Variants in HNRNPC observed in about 807,000 individuals in gnomAD.
HNRNPC encodes the protein heterogeneous nuclear ribonucleoprotein C.
In HNRNPC, 3 loss-of-function variants were observed where a neutral mutation model predicts 33.2. That is an observed-to-expected ratio of 0.09 (90% CI 0.04 to 0.23). HNRNPC has a LOEUF of 0.23. Ranked by LOEUF, HNRNPC falls within the 10% of genes least tolerant of loss-of-function variation. HNRNPC has a pLI of 1.00. For synonymous variants in HNRNPC, 121 were observed against 126.7 expected (o/e 0.96, Z 0.30); for missense variants, 143 against 366.7 (o/e 0.39, Z 4.98).
At chr14:21,214,678 A>G (rs1433613488) in intron 5 of HNRNPC, among the ~76,000 whole-genome samples, 2 of 152,220 alleles carry the variant, frequency 1.3e-5, no homozygotes, top group African/African-American at 4.8e-5. Flanking sequence ...AAAGATACTG[A>G]GTAACTTTTT....
intron 5 of HNRNPC, among the ~76,000 whole-genome samples, chr14:21,218,794 G>A (rs1489469677): frequency 6.7e-6 from 1 of 149,250 alleles, no homozygotes; most frequent in Non-Finnish European, 1.5e-5. Flanking sequence ...GAGCCCAAGA[G>A]TTCAAGACCA....
chr14:21,245,510 A>AT (rs1261639024), intron 2 of HNRNPC, among the ~76,000 whole-genome samples: 7 of 146,728 alleles, frequency 4.8e-5, no homozygotes, highest in African/African-American at 1.8e-4. Context: ...AAATATATAT[A>AT]TATTTCAAAA....
intron 5 of HNRNPC, among the ~76,000 whole-genome samples, chr14:21,218,710 T>TAAAAAAAAA (rs1892504201): frequency 8.6e-5 from 4 of 46,546 alleles, no homozygotes; most frequent in African/African-American, 2.7e-4. Flanking sequence ...AAAAAAAAAC[T>TAAAAAAAAA]GAAATTGAGT....
At chr14:21,237,546 G>A (rs775815612) in intron 2 of HNRNPC, among the ~76,000 whole-genome samples, 6 of 152,062 alleles carry the variant, frequency 3.9e-5, no homozygotes, top group African/African-American at 7.2e-5. Flanking sequence ...AGACTACCTC[G>A]TCCTACAAGT....
intron 5 of HNRNPC, among the ~76,000 whole-genome samples, chr14:21,222,376 T>G (rs1892923685): frequency 2.0e-5 from 3 of 151,600 alleles, no homozygotes; most frequent in Non-Finnish European, 4.4e-5. Context: ...ATGGCAGAAT[T>G]TGTTTTTGTT....
intron 2 of HNRNPC, among the ~76,000 whole-genome samples, chr14:21,242,908 C>A (rs935107013): frequency 6.6e-6 from 1 of 152,134 alleles, no homozygotes; most frequent in Admixed American, 6.5e-5. Flanking sequence ...GGGCCTTTTT[C>A]TAGATTAAAA....
intron 2 of HNRNPC, among the ~76,000 whole-genome samples, chr14:21,245,853 T>C (rs776446705): frequency 5.3e-5 from 8 of 151,912 alleles, no homozygotes; most frequent in Non-Finnish European, 7.4e-5. Flanking sequence ...CTCTTTTACT[T>C]TTTAGTTTTT....
In HNRNPC at chr14:21,226,650, C is replaced by T. The variant is rs192701002; in HGVS notation, c.365+3669G>A. Among the ~76,000 whole-genome samples, 30 of 152,136 alleles carry T rather than the reference C, an allele frequency of 2.0e-4. No individual in the cohort carries two copies. In the East Asian group the frequency reaches 3.9e-3, roughly 20 times the overall value. On this transcript the variant is annotated intron_variant, in intron 5 of 8. Coordinates refer to ENST00000553300, the MANE Select transcript of HNRNPC (RefSeq NM_004500.4). ...GGCAGGGAGATCCCTTGAGCCCAGG[C>T]GGGTGGACCACCTGAGGTCAAGAGG...
At chr14:21,245,817 C>A (rs1336251187) in intron 2 of HNRNPC, among the ~76,000 whole-genome samples, 2 of 152,094 alleles carry the variant, frequency 1.3e-5, no homozygotes, top group Non-Finnish European at 2.9e-5. Context: ...CACTAGGCAA[C>A]AGAAATTTCT....
intron 5 of HNRNPC, among the ~76,000 whole-genome samples, chr14:21,219,055 A>T (rs1455175169): frequency 6.6e-6 from 1 of 151,194 alleles, no homozygotes; most frequent in Non-Finnish European, 1.5e-5. Flanking sequence ...GGTTGCAGTA[A>T]GCCAAGACCG....
intron 2 of HNRNPC, among the ~76,000 whole-genome samples, chr14:21,251,445 G>A (rs539208448): frequency 1.4e-4 from 22 of 152,024 alleles, no homozygotes; most frequent in Non-Finnish European, 2.4e-4. Context: ...TTGGGAGGCA[G>A]AGGCGGGCAG....
Position 21,260,107 on chromosome 14 carries a change from G to A in HNRNPC, c.-37+3204C>T, listed in dbSNP as rs547010786. On this transcript the variant is annotated intron_variant, in intron 2 of 8. Transcript: ENST00000553300. ...CCCAGCTACTTGGGAGGCTGAGGCA[G>A]GAGAATGGCGTGAACCTGGGAGGCA... is the stretch of plus-strand genomic sequence containing the variant. Among the ~76,000 whole-genome samples the A allele has an allele frequency of 3.4e-4, 49 of 145,918 alleles. 2 individuals carry two copies. The East Asian group carries it at 9.5e-3, about 28-fold the overall frequency.
intron 1 of HNRNPC, chr14:21,265,199 G>GT (rs1436030802): frequency 6.6e-6 from 1 of 152,168 alleles, no homozygotes; most frequent in East Asian, 1.9e-4. Context: ...GTGAAGAATT[G>GT]TAAGAAATAT....
chr14:21,253,445 C>T (rs1896880549), intron 2 of HNRNPC, among the ~76,000 whole-genome samples: 1 of 126,682 alleles, frequency 7.9e-6, no homozygotes, highest in Non-Finnish European at 1.6e-5. Context: ...TGCACTCCAA[C>T]CTCTAGACTC....
intron 2 of HNRNPC, among the ~76,000 whole-genome samples, chr14:21,257,003 G>A (rs776418680): frequency 1.3e-5 from 2 of 152,086 alleles, no homozygotes; most frequent in African/African-American, 2.4e-5. Flanking sequence ...AGTCAAGGAT[G>A]GCTAGCCAAA....
At chr14:21,261,870 C>A (rs750640186) in intron 2 of HNRNPC, among the ~76,000 whole-genome samples, 1 of 152,184 alleles carries the variant, frequency 6.6e-6, no homozygotes, top group Non-Finnish European at 1.5e-5. Context: ...CTTTGGCTAT[C>A]CACATCTTTA....
intron 5 of HNRNPC, among the ~76,000 whole-genome samples, chr14:21,221,827 C>T (rs1892852657): frequency 6.6e-6 from 1 of 151,970 alleles, no homozygotes; most frequent in Non-Finnish European, 1.5e-5. Flanking sequence ...GCAGGCAGAT[C>T]ACGAGGTCAG....
At chr14:21,268,538 T>TA (rs1325084675) in intron 1 of HNRNPC, 6 of 152,222 alleles carry the variant, frequency 3.9e-5, no homozygotes, top group Admixed American at 3.9e-4. Context: ...AATTCCTTAC[T>TA]AGTGCTGCTA....
intron 5 of HNRNPC, among the ~76,000 whole-genome samples, chr14:21,221,402 C>A (rs977523966): frequency 1.3e-5 from 2 of 152,214 alleles, no homozygotes; most frequent in Non-Finnish European, 2.9e-5. Flanking sequence ...CATGTGGCCA[C>A]TGAACTTAAA....
Sources: allele counts gnomAD v4.1 joint callset (sites outside exome capture counted in the v4.1 genomes callset), GRCh38; gene constraint gnomAD v4.1.1; transcripts MANE v1.5; gene names NCBI Gene and HGNC (gene_info 2026-07-23, HGNC 2026-07-21).